MMP16: variants seen among roughly 807,000 people sequenced by gnomAD.
MMP16 encodes matrix metalloproteinase-16.
Under a neutral mutation model 67.8 loss-of-function variants are expected in MMP16, and 12 were observed. The ratio of observed to expected loss-of-function variants is 0.18; its 90% CI spans 0.11 to 0.29. MMP16 has a LOEUF of 0.29. Among genes scored for constraint, MMP16 ranks in the 10% least tolerant of loss-of-function variants. The pLI is 1.00. For missense variants in MMP16, 475 were observed against 765.7 expected, an observed-to-expected ratio of 0.62 and a Z score of 4.48; for synonymous variants, 249 against 255.9, an observed-to-expected ratio of 0.97 and a Z score of 0.26.
intron 4 of MMP16, among the ~76,000 whole-genome samples, chr8:88,160,320 C>A (rs1251464749): frequency 6.6e-6 from 1 of 151,936 alleles, no homozygotes; most frequent in Admixed American, 6.6e-5. Context: ...TTTATGGCTG[C>A]ATAGTATTCC....
chr8:88,303,679 C>G (rs1811167725), intron 1 of MMP16, among the ~76,000 whole-genome samples: 1 of 152,188 alleles, frequency 6.6e-6, no homozygotes, highest in South Asian at 2.1e-4. Flanking sequence ...AAAACTGAGG[C>G]AACTAGGGTC....
rs398008661 is a variant in MMP16 at position 88,265,223 on chromosome 8, C to CTTTTTTTTTTTTTTTT, written c.132+61836_132+61851dup. 4.3e-4 allele frequency among the ~76,000 whole-genome samples: 43 copies of CTTTTTTTTTTTTTTTT among 100,758 alleles called. 2 individuals carry two copies. The highest frequency in any genetic ancestry group is 5.6e-4 in the African/African-American group (14 of 24,898). The allele number at this position is 100,758 out of a possible 152,430, so 66.1% of individuals were successfully genotyped here. The stretch of plus-strand genomic sequence containing the variant: ...AACTAAGGGTAGAAATGACCATTTC[C>CTTTTTTTTTTTTTTTT]TTTTTTTTTTTTTTTTTTTTCAGAT... On this transcript the variant is annotated intron_variant, in intron 1 of 9. Transcript: ENST00000286614.
chr8:88,285,981 A>T (rs1318262185), intron 1 of MMP16, among the ~76,000 whole-genome samples: 4 of 152,006 alleles, frequency 2.6e-5, no homozygotes, highest in African/African-American at 9.7e-5. Flanking sequence ...TTTCTCACTA[A>T]CCTCTTACTC....
intron 6 of MMP16, 106 bp from the exon 7 acceptor site, chr8:88,074,849 T>G: frequency 1.4e-6 from 2 of 1,380,774 alleles, no homozygotes; most frequent in Non-Finnish European, 9.9e-7. Flanking sequence ...CCTTATTTAT[T>G]GTCTTACATT....
At chr8:88,082,763 A>G (rs1435487429) in intron 6 of MMP16, among the ~76,000 whole-genome samples, 3 of 152,038 alleles carry the variant, frequency 2.0e-5, no homozygotes, top group Admixed American at 6.5e-5. Flanking sequence ...TTCTCAGACT[A>G]TGTGCATGTT....
chr8:88,323,877 T>G (rs1811497677), intron 1 of MMP16, among the ~76,000 whole-genome samples: 1 of 152,128 alleles, frequency 6.6e-6, no homozygotes, highest in African/African-American at 2.4e-5. Flanking sequence ...CATTAATAAT[T>G]ATTTGTTAAT....
At position 88,142,179 on chromosome 8, in the gene MMP16, G is replaced by GGATT. The variant is rs764462495; in HGVS notation, c.710-23322_710-23319dup. On this transcript the variant is annotated intron_variant, in intron 4 of 9. Coordinates refer to ENST00000286614, the MANE Select transcript of MMP16 (RefSeq NM_005941.5). The stretch of plus-strand genomic sequence containing the variant: ...CTCGCCTCAGTCTCCCAAAGTGCTA[G>GGATT]GATTACAGGCGTGAGCCACCATGCC... Among the ~76,000 whole-genome samples, 8 of 152,070 alleles carry GGATT rather than the reference G, an allele frequency of 5.3e-5. No homozygotes were observed. In the South Asian group the frequency reaches 1.5e-3, roughly 28 times the overall value.
rs567247908 is a variant in MMP16, at chr8:88,265,230, T to C, written c.132+61845A>G. Among the ~76,000 whole-genome samples the C allele has an allele frequency of 3.4e-3, 482 of 142,040 alleles. 8 individuals are homozygous for C. Among genetic ancestry groups the C allele is most frequent in the Middle Eastern group, 0.024 (7 of 288 alleles). The allele number at this position is 142,040 out of a possible 152,430, so 93.2% of individuals were successfully genotyped here. On this transcript the variant is annotated intron_variant, in intron 1 of 9. Coordinates refer to ENST00000286614, the MANE Select transcript of MMP16 (RefSeq NM_005941.5). ...GGTAGAAATGACCATTTCCTTTTTTTTTTTTTTTTTTTTCAGATACAGACA... is the reference window on the plus strand; with the variant it reads ...GGTAGAAATGACCATTTCCTTTTTTCTTTTTTTTTTTTTCAGATACAGACA...
In MMP16 at chr8:88,218,438, T is replaced by C. The variant is rs572316505; in HGVS notation, c.133-21132A>G. 9.3e-4 allele frequency among the ~76,000 whole-genome samples: 142 copies of C among 152,108 alleles called. 1 individual carries two copies. The highest frequency in any genetic ancestry group is 1.7e-3 in the Non-Finnish European group (116 of 67,896). On this transcript the variant is annotated intron_variant, in intron 1 of 9. Transcript: ENST00000286614. Reference sequence around the variant, plus strand: ...ACAGCATGGTGACTTTAGTTAATAATGCATTGTATACTTGAAATTTGCTAG... The same window carrying C: ...ACAGCATGGTGACTTTAGTTAATAACGCATTGTATACTTGAAATTTGCTAG...
intron 1 of MMP16, among the ~76,000 whole-genome samples, chr8:88,274,932 T>C (rs1810621923): frequency 7.3e-6 from 1 of 136,482 alleles, no homozygotes; most frequent in Non-Finnish European, 1.5e-5. Flanking sequence ...TGGATATGTA[T>C]ACAAACTCAC....
chr8:88,116,648 C>G lies in MMP16; in HGVS notation c.942G>C (p.Pro314=). The change falls in exon 6 of 10, where the codon CCG becomes CCC. Residue 314 remains proline, a synonymous_variant. Coordinates refer to ENST00000286614, the MANE Select transcript of MMP16 (RefSeq NM_005941.5). ...GCCTGTCATTTTTCCTTGGGTCAGCCGGAGGAATAGAGCGGTGTGGGGGCA... is the reference window on the plus strand; with the variant it reads ...GCCTGTCATTTTTCCTTGGGTCAGCGGGAGGAATAGAGCGGTGTGGGGGCA... ...PTVPPHRSIP[P]ADPRKNDRPK... The G allele has an allele frequency of 6.2e-7, 1 of 1,613,724 alleles. No homozygotes were observed. The highest frequency in any genetic ancestry group is 8.5e-7 in the Non-Finnish European group (1 of 1,179,840).
intron 1 of MMP16, among the ~76,000 whole-genome samples, chr8:88,324,870 A>T (rs1811513701): frequency 6.6e-6 from 1 of 152,172 alleles, no homozygotes; most frequent in African/African-American, 2.4e-5. Context: ...ATCTAAAAAA[A>T]AGGGGGGGTA....
chr8:88,107,565 C>A (rs929207458), intron 6 of MMP16, among the ~76,000 whole-genome samples: 17 of 150,884 alleles, frequency 1.1e-4, no homozygotes, highest in Non-Finnish European at 7.4e-5. Context: ...AGGATGGATA[C>A]AAAGAGTCAA....
rs1808317997 is a variant in MMP16 at position 88,147,754 on chromosome 8, A to C, written c.709+19915T>G. Reference sequence around the variant, plus strand: ...TGGAAAAATCCTCTCTTTGGTCCACAGTAGTTACTATAAAATATGTGTTTG... The same window carrying C: ...TGGAAAAATCCTCTCTTTGGTCCACCGTAGTTACTATAAAATATGTGTTTG... On this transcript the variant is annotated intron_variant, in intron 4 of 9. Coordinates refer to ENST00000286614, the MANE Select transcript of MMP16 (RefSeq NM_005941.5). 2.0e-5 allele frequency among the ~76,000 whole-genome samples: 3 copies of C among 150,568 alleles called. No individual in the cohort carries two copies. The East Asian group carries it at 5.8e-4, about 29-fold the overall frequency.
chr8:88,214,696 A>T (rs551681778), intron 1 of MMP16, among the ~76,000 whole-genome samples: 80 of 152,298 alleles, frequency 5.3e-4, no homozygotes, highest in African/African-American at 1.7e-3. Flanking sequence ...TCTGCTTATT[A>T]ACTATAGTTA....
At chr8:88,316,290 T>C (rs76088041) in intron 1 of MMP16, among the ~76,000 whole-genome samples, 2,330 of 152,244 alleles carry the variant, frequency 0.015, 21 homozygotes, top group Non-Finnish European at 0.024. Flanking sequence ...AACAGCCTTA[T>C]ATTGGAAGAA....
intron 6 of MMP16, among the ~76,000 whole-genome samples, chr8:88,087,484 T>C (rs1232837167): frequency 1.3e-5 from 2 of 151,860 alleles, no homozygotes; most frequent in African/African-American, 2.4e-5. Flanking sequence ...TGTTTCATGA[T>C]ATGACATAGG....
chr8:88,123,508 A>G (rs1807876130), intron 4 of MMP16, among the ~76,000 whole-genome samples: 1 of 151,798 alleles, frequency 6.6e-6, no homozygotes, highest in South Asian at 2.1e-4. Context: ...GGTGGTCAGG[A>G]AAACGTGGTT....
At chr8:88,160,327 T>C (rs1238339032) in intron 4 of MMP16, among the ~76,000 whole-genome samples, 1 of 152,044 alleles carries the variant, frequency 6.6e-6, no homozygotes, top group Non-Finnish European at 1.5e-5. Flanking sequence ...CTGCATAGTA[T>C]TCCATGGTGT....
Sources: gnomAD v4.1 joint callset for allele counts (sites outside exome capture counted in the v4.1 genomes callset) on GRCh38, gnomAD v4.1.1 for gene constraint, MANE v1.5 for transcripts, NCBI Gene and HGNC (gene_info 2026-07-23, HGNC 2026-07-21) for gene names.